Variants in HTR4 observed in about 807,000 individuals in gnomAD.
The protein encoded by HTR4 is 5-hydroxytryptamine receptor 4.
A neutral mutation model predicts 36.8 loss-of-function variants in HTR4; 16 were observed. The ratio of observed to expected loss-of-function variants is 0.43; its 90% CI spans 0.29 to 0.66. The LOEUF is 0.66. Ranked by LOEUF, HTR4 falls within the 30% of genes least tolerant of loss-of-function variation. HTR4 has a pLI of 0.13. For synonymous variants in HTR4, 189 were observed against 185.1 expected, an observed-to-expected ratio of 1.02 and a Z score of -0.17; for missense variants, 438 against 490.9, an observed-to-expected ratio of 0.89 and a Z score of 1.02.
chr5:148,511,202 A>G (rs1757483577), intron 5 of HTR4, among the ~76,000 whole-genome samples: 1 of 152,224 alleles, frequency 6.6e-6, no homozygotes, highest in Non-Finnish European at 1.5e-5. Context: ...AAATACGTAT[A>G]AAGTACATAA....
chr5:148,482,198 G>C lies in HTR4; in HGVS notation c.*1005C>G. 1 of 985,564 alleles carries C rather than the reference G, an allele frequency of 1.0e-6. No individual in the cohort carries two copies. Among genetic ancestry groups the C allele is most frequent in the Non-Finnish European group, 1.2e-6 (1 of 830,026 alleles). The allele number at this position is 985,564 out of a possible 1,614,324, so 61.1% of individuals were successfully genotyped here. A position where few individuals can be genotyped will look rare whatever the true frequency, so the allele number is the denominator to read the frequency against. On this transcript the variant is annotated 3_prime_UTR_variant, in exon 7 of 7. Transcript: ENST00000377888. ...TCCTGCCCTCCTGCACCTTGGGGGAGCTGCAGGGGAAAATGAGTTTCCCCA... is the reference window on the plus strand; with the variant it reads ...TCCTGCCCTCCTGCACCTTGGGGGACCTGCAGGGGAAAATGAGTTTCCCCA...
intron 6 of HTR4, among the ~76,000 whole-genome samples, chr5:148,506,426 GAA>G (rs1166019097): frequency 6.6e-6 from 1 of 152,094 alleles, no homozygotes; most frequent in Non-Finnish European, 1.5e-5. Context: ...AACCCTAGAA[GAA>G]AACCTGGGCA....
chr5:148,541,861 T>C (rs1759132655), intron 4 of HTR4, among the ~76,000 whole-genome samples: 1 of 152,148 alleles, frequency 6.6e-6, no homozygotes, highest in African/African-American at 2.4e-5. Context: ...CCCTATCCCC[T>C]ACTGATACCC....
chr5:148,537,850 T>C (rs1478406182), intron 4 of HTR4, among the ~76,000 whole-genome samples: 1 of 152,052 alleles, frequency 6.6e-6, no homozygotes, highest in Non-Finnish European at 1.5e-5. Context: ...TTCCAAAAAA[T>C]TGAGGAGGAG....
intron 2 of HTR4, among the ~76,000 whole-genome samples, chr5:148,634,552 A>G (rs1581573955): frequency 1.3e-5 from 2 of 152,328 alleles, no homozygotes; most frequent in East Asian, 3.9e-4. Flanking sequence ...TTTATAGCCC[A>G]TGCTGAGCTC....
intron 5 of HTR4, among the ~76,000 whole-genome samples, chr5:148,516,568 T>C (rs899753016): frequency 6.6e-6 from 1 of 152,034 alleles, no homozygotes; most frequent in Non-Finnish European, 1.5e-5. Context: ...TCTGCCCGCC[T>C]TGGCCTCCCA....
chr5:148,459,541 C>T (rs925658785), intron 5 of HTR4, among the ~76,000 whole-genome samples: 1 of 152,122 alleles, frequency 6.6e-6, no homozygotes, highest in Non-Finnish European at 1.5e-5. Context: ...CTAAGAAGCA[C>T]GTGTGAAGTT....
In HTR4 at chr5:148,586,107, C is replaced by CT. The variant is rs199664614; in HGVS notation, c.27-35846dup. Among the ~76,000 whole-genome samples the CT allele has an allele frequency of 5.4e-3, 819 of 152,230 alleles. 7 individuals are homozygous for CT. The highest frequency in any genetic ancestry group is 0.019 in the African/African-American group (786 of 41,542). ...TAACCAGCTGAAATTAACTTACTAACTTTTTTTCCACATGTTTGTTGTTGG... is the reference window on the plus strand; with the variant it reads ...TAACCAGCTGAAATTAACTTACTAACTTTTTTTTCCACATGTTTGTTGTTGG... On this transcript the variant is annotated intron_variant, in intron 2 of 6. Coordinates refer to ENST00000377888, the MANE Select transcript of HTR4 (RefSeq NM_000870.7).
chr5:148,482,192 G>A lies in HTR4; in HGVS notation c.*1011C>T. On this transcript the variant is annotated 3_prime_UTR_variant, in exon 7 of 7. Coordinates refer to ENST00000377888, the MANE Select transcript of HTR4 (RefSeq NM_000870.7). ...GCTGGATCCTGCCCTCCTGCACCTT[G>A]GGGGAGCTGCAGGGGAAAATGAGTT... The A allele has an allele frequency of 2.0e-6, 2 of 985,486 alleles. No individual in the cohort carries two copies. Among genetic ancestry groups the A allele is most frequent in the Non-Finnish European group, 2.4e-6 (2 of 830,000 alleles). 61.0% of individuals were successfully genotyped at this position (985,486 alleles called of 1,614,324 possible). A position where few individuals can be genotyped will look rare whatever the true frequency, so the allele number is the denominator to read the frequency against.
chr5:148,556,942 A>G (rs1415192722), intron 2 of HTR4, among the ~76,000 whole-genome samples: 1 of 152,234 alleles, frequency 6.6e-6, no homozygotes, highest in African/African-American at 2.4e-5. Context: ...AGGAACCAGG[A>G]TAAGTGCATT....
chr5:148,589,226 T>C lies in HTR4; in HGVS notation c.27-38964A>G, dbSNP rs1281288108. 3.3e-5 allele frequency among the ~76,000 whole-genome samples: 5 copies of C among 152,342 alleles called. No individual in the cohort carries two copies. In the South Asian group the frequency reaches 8.3e-4, roughly 25 times the overall value. Reference sequence around the variant, plus strand: ...GGGGCTTGCTAAGTTATTAGGTATGTATTCATTTTAAGGTTCTTCAGAATA... The same window carrying C: ...GGGGCTTGCTAAGTTATTAGGTATGCATTCATTTTAAGGTTCTTCAGAATA... On this transcript the variant is annotated intron_variant, in intron 2 of 6. Transcript: ENST00000377888.
intron 1 of HTR4, among the ~76,000 whole-genome samples, chr5:148,638,010 T>C (rs745813519): frequency 6.7e-6 from 1 of 150,206 alleles, no homozygotes; most frequent in Non-Finnish European, 1.5e-5. Flanking sequence ...GCTAGTTTTC[T>C]AGTTGAATCT....
intron 2 of HTR4, among the ~76,000 whole-genome samples, chr5:148,624,646 G>C (rs1753029856): frequency 3.9e-5 from 6 of 152,128 alleles, no homozygotes; most frequent in Admixed American, 3.9e-4. Flanking sequence ...TAGAGAACTT[G>C]TGTTCTTTTC....
intron 2 of HTR4, among the ~76,000 whole-genome samples, chr5:148,554,819 G>A (rs1169993969): frequency 6.6e-6 from 1 of 152,010 alleles, no homozygotes; most frequent in East Asian, 1.9e-4. Flanking sequence ...CCTCACGTAG[G>A]TCCCAGTGTC....
chr5:148,606,523 C>T (rs1752169752), intron 2 of HTR4, among the ~76,000 whole-genome samples: 1 of 152,082 alleles, frequency 6.6e-6, no homozygotes, highest in Non-Finnish European at 1.5e-5. Context: ...TGGCTTAACT[C>T]CACCAAAACT....
intron 6 of HTR4, among the ~76,000 whole-genome samples, chr5:148,493,410 G>C (rs1366472416): frequency 1.3e-5 from 2 of 152,280 alleles, no homozygotes; most frequent in East Asian, 3.9e-4. Context: ...AAATACTTAA[G>C]TGTGTATGAA....
intron 1 of HTR4, among the ~76,000 whole-genome samples, chr5:148,649,597 C>T (rs1753974267): frequency 6.6e-6 from 1 of 152,116 alleles, no homozygotes; most frequent in Non-Finnish European, 1.5e-5. Flanking sequence ...ATTAAGGTAG[C>T]AGTGGGGGTA....
intron 2 of HTR4, among the ~76,000 whole-genome samples, chr5:148,634,531 GATA>G (rs1361748271): frequency 6.6e-6 from 1 of 152,086 alleles, no homozygotes; most frequent in Non-Finnish European, 1.5e-5. Context: ...AATTAAATGG[GATA>G]ATACTAGTTT....
At chr5:148,458,098 T>A in intron 5 of HTR4, among the ~76,000 whole-genome samples, 1 of 53,962 alleles carries the variant, frequency 1.9e-5, no homozygotes, top group Admixed American at 1.6e-4. Context: ...TATTATATTT[T>A]AATATCTATT....
Sources: allele counts gnomAD v4.1 joint callset (sites outside exome capture counted in the v4.1 genomes callset), GRCh38; gene constraint gnomAD v4.1.1; transcripts MANE v1.5; gene names NCBI Gene and HGNC (gene_info 2026-07-23, HGNC 2026-07-21).